The following UBE2E1 variants were observed in gnomAD, a reference collection of about 807,000 sequenced individuals.
UBE2E1 encodes the protein ubiquitin conjugating enzyme E2 E1.
A neutral mutation model predicts 21.4 loss-of-function variants in UBE2E1; 6 were observed. The ratio of observed to expected loss-of-function variants is 0.28; its 90% CI spans 0.15 to 0.55. The LOEUF is 0.55. Among genes scored for constraint, UBE2E1 ranks in the 20% least tolerant of loss-of-function variants. UBE2E1 has a pLI of 0.93. For missense variants in UBE2E1, 142 were observed against 236.5 expected (o/e 0.60, Z 2.62); for synonymous variants, 87 against 82.7 (o/e 1.05, Z -0.28).
At chr3:23,885,684 A>T (rs1036915889) in intron 3 of UBE2E1, among the ~76,000 whole-genome samples, 8 of 149,808 alleles carry the variant, frequency 5.3e-5, no homozygotes, top group African/African-American at 2.0e-4. Context: ...AACATGGTGA[A>T]ACCCCATCTA....
At position 23,870,260 on chromosome 3, in the gene UBE2E1, G is replaced by A. The variant is rs1445801820; in HGVS notation, c.204-17307G>A. 6.6e-6 allele frequency among the ~76,000 whole-genome samples: 1 copy of A among 152,154 alleles called. No individual in the cohort carries two copies. Among genetic ancestry groups the A allele is most frequent in the African/African-American group, 2.4e-5 (1 of 41,414 alleles). ...ACAGACAGCTGCAGGATGAGATGGG[G>A]GGCCGGGGGGACCATAGCTCCTTTT... On this transcript the variant is annotated intron_variant, in intron 3 of 5. Coordinates refer to ENST00000306627, the MANE Select transcript of UBE2E1 (RefSeq NM_003341.5). This position sits in a 1 kb window ranked among gnomAD's most constrained non-coding sequence, Gnocchi z 4.2.
At chr3:23,813,782 C>G (rs145531119) in intron 3 of UBE2E1, among the ~76,000 whole-genome samples, 2,484 of 152,318 alleles carry the variant, frequency 0.016, 76 homozygotes, top group African/African-American at 0.058. Context: ...ACCTTGTGAT[C>G]TGCCCGCCTT....
At chr3:23,848,823 G>C (rs1029378695) in intron 3 of UBE2E1, among the ~76,000 whole-genome samples, 1 of 152,170 alleles carries the variant, frequency 6.6e-6, no homozygotes, top group Non-Finnish European at 1.5e-5. Flanking sequence ...GGAATCAAAG[G>C]GGGAGAGGTG....
intron 3 of UBE2E1, chr3:23,866,612 C>G (rs1418381409): frequency 2.0e-5 from 3 of 152,124 alleles, no homozygotes; most frequent in Admixed American, 1.3e-4. Flanking sequence ...CTTGTTTCCC[C>G]AAAATGTCTT....
At chr3:23,821,028 G>C (rs1485948152) in intron 3 of UBE2E1, among the ~76,000 whole-genome samples, 1 of 152,218 alleles carries the variant, frequency 6.6e-6, no homozygotes, top group Non-Finnish European at 1.5e-5. Context: ...TTGTACATGT[G>C]ACAGCAGCAT....
Position 23,871,487 on chromosome 3 carries a change from G to A in UBE2E1, c.204-16080G>A, listed in dbSNP as rs376749847. 5.8e-3 allele frequency among the ~76,000 whole-genome samples: 859 copies of A among 147,848 alleles called. 36 individuals carry two copies. In the East Asian group the frequency reaches 0.11, roughly 19 times the overall value. ...AGGGCAGAGGCGCCCCTCACCTCCC[G>A]GACGGGGCGGCTGGCCTGGCGGGGG... On this transcript the variant is annotated intron_variant, in intron 3 of 5. Transcript: ENST00000306627.
At chr3:23,865,979 G>T (rs1252628087) in intron 3 of UBE2E1, among the ~76,000 whole-genome samples, 1 of 152,204 alleles carries the variant, frequency 6.6e-6, no homozygotes, top group African/African-American at 2.4e-5. Context: ...CTAGAAGGGT[G>T]TGTGTAGACA....
At chr3:23,859,961 G>A (rs1700517850) in intron 3 of UBE2E1, among the ~76,000 whole-genome samples, 1 of 152,130 alleles carries the variant, frequency 6.6e-6, no homozygotes, top group South Asian at 2.1e-4. Context: ...CCCGACTGCT[G>A]GAGCCACTGA....
rs1353246201 is a variant in UBE2E1, at chr3:23,853,484, G to T, written c.204-34083G>T. On this transcript the variant is annotated intron_variant, in intron 3 of 5. Transcript: ENST00000306627. The surrounding 1 kb of genome is among the most constrained non-coding windows in gnomAD (Gnocchi z 4.1). ...GTCAGTTTTTTCTTGTGTGATTCAT[G>T]CTTTTGTCTCCTCAGAAATCTGCCT... Among the ~76,000 whole-genome samples the T allele has an allele frequency of 6.6e-6, 1 of 151,806 alleles. No homozygotes were observed. Among genetic ancestry groups the T allele is most frequent in the Admixed American group, 6.6e-5 (1 of 15,230 alleles).
At position 23,891,573 on chromosome 3, in the gene UBE2E1, G is replaced by A. The variant is rs889713509; in HGVS notation, c.*967G>A. The A allele has an allele frequency of 3.9e-5, 6 of 152,192 alleles. No homozygotes were observed. Among genetic ancestry groups the A allele is most frequent in the African/African-American group, 1.4e-4 (6 of 41,450 alleles). 9.4% of individuals were successfully genotyped at this position (152,192 alleles called of 1,614,324 possible). A position where few individuals can be genotyped will look rare whatever the true frequency, so the allele number is the denominator to read the frequency against. ...TAAAAGCATTTTCTGACTTGCAGAT[G>A]CTGTAGTAGCAAGTACATGAGAAAT... On this transcript the variant is annotated 3_prime_UTR_variant, in exon 6 of 6. Transcript: ENST00000306627.
At chr3:23,824,383 A>G (rs934814733) in intron 3 of UBE2E1, among the ~76,000 whole-genome samples, 3 of 152,212 alleles carry the variant, frequency 2.0e-5, no homozygotes, top group Admixed American at 1.3e-4. Flanking sequence ...GAAAAAAGTG[A>G]TAGTAATTTT....
intron 3 of UBE2E1, among the ~76,000 whole-genome samples, chr3:23,886,657 C>T (rs1221718493): frequency 2.0e-5 from 3 of 152,182 alleles, no homozygotes; most frequent in Non-Finnish European, 4.4e-5. Context: ...TTCATCTCTT[C>T]TGTCTCTTAA....
At chr3:23,873,597 T>G (rs1431628934) in intron 3 of UBE2E1, among the ~76,000 whole-genome samples, 6 of 151,958 alleles carry the variant, frequency 3.9e-5, no homozygotes, top group African/African-American at 1.2e-4. Context: ...AATACAAAAA[T>G]TAGGCAGGCA....
chr3:23,888,383 G>A (rs747394061), intron 4 of UBE2E1: 1 of 363,536 alleles, frequency 2.8e-6, no homozygotes, highest in Admixed American at 3.9e-5. Context: ...GCAGCAACAA[G>A]AAGTAATCGA....
At position 23,887,496 on chromosome 3, in the gene UBE2E1, A is replaced by G; in HGVS notation, c.204-71A>G. 3 of 1,502,444 alleles carry G rather than the reference A, an allele frequency of 2.0e-6. No homozygotes were observed. The highest frequency in any genetic ancestry group is 8.9e-7 in the Non-Finnish European group (1 of 1,124,850). 93.1% of individuals were successfully genotyped at this position (1,502,444 alleles called of 1,614,324 possible). ...AAGAGAGGAGAGAGGTAATCTTTCCATCTCTTTTAATACACTGTAAAAATT... is the reference window on the plus strand; with the variant it reads ...AAGAGAGGAGAGAGGTAATCTTTCCGTCTCTTTTAATACACTGTAAAAATT... On this transcript the variant is annotated intron_variant, in intron 3 of 5. Coordinates refer to ENST00000306627, the MANE Select transcript of UBE2E1 (RefSeq NM_003341.5). The surrounding 1 kb of genome is among the most constrained non-coding windows in gnomAD (Gnocchi z 4.4).
At chr3:23,837,981 C>G (rs1173220164) in intron 3 of UBE2E1, among the ~76,000 whole-genome samples, 1 of 151,960 alleles carries the variant, frequency 6.6e-6, no homozygotes, top group South Asian at 2.1e-4. Flanking sequence ...CAAAGAAGTT[C>G]TTTTCATTGG....
In UBE2E1 at chr3:23,819,244, A is replaced by T. The variant is rs113371162; in HGVS notation, c.203+7734A>T. On this transcript the variant is annotated intron_variant, in intron 3 of 5. Coordinates refer to ENST00000306627, the MANE Select transcript of UBE2E1 (RefSeq NM_003341.5). ...GGTTGCAGTGAACCAAGATTGCGCC[A>T]CTGCACTCCAGCCTGGGTGACAGAG... Among the ~76,000 whole-genome samples, 11 of 152,292 alleles carry T rather than the reference A, an allele frequency of 7.2e-5. No homozygotes were observed. The East Asian group carries it at 2.1e-3, about 29-fold the overall frequency.
intron 3 of UBE2E1, among the ~76,000 whole-genome samples, chr3:23,822,299 G>A (rs767999410): frequency 7.9e-5 from 12 of 152,130 alleles, no homozygotes; most frequent in East Asian, 1.9e-4. Flanking sequence ...AAATGTGTTT[G>A]TATTACTCTT....
Position 23,887,498 on chromosome 3 carries a change from C to A in UBE2E1, c.204-69C>A. 1 of 1,504,638 alleles carries A rather than the reference C, an allele frequency of 6.6e-7. No individual in the cohort carries two copies. Among genetic ancestry groups the A allele is most frequent in the Non-Finnish European group, 8.9e-7 (1 of 1,128,904 alleles). 93.2% of individuals were successfully genotyped at this position (1,504,638 alleles called of 1,614,324 possible). Reference sequence around the variant, plus strand: ...GAGAGGAGAGAGGTAATCTTTCCATCTCTTTTAATACACTGTAAAAATTGG... The same window carrying A: ...GAGAGGAGAGAGGTAATCTTTCCATATCTTTTAATACACTGTAAAAATTGG... On this transcript the variant is annotated intron_variant, in intron 3 of 5. Transcript: ENST00000306627. The surrounding 1 kb of genome is among the most constrained non-coding windows in gnomAD (Gnocchi z 4.4).
Sources: allele counts gnomAD v4.1 joint callset (sites outside exome capture counted in the v4.1 genomes callset), GRCh38; gene constraint gnomAD v4.1.1; non-coding constraint Gnocchi (gnomAD v3.1); transcripts MANE v1.5; gene names NCBI Gene and HGNC (gene_info 2026-07-23, HGNC 2026-07-21).